ATF7: variants seen among roughly 807,000 people sequenced by gnomAD.
ATF7 encodes activating transcription factor 7.
Under a neutral mutation model 50.4 loss-of-function variants are expected in ATF7, and 10 were observed. The ratio of observed to expected loss-of-function variants is 0.20; its 90% CI spans 0.12 to 0.34. The LOEUF (loss-of-function observed/expected upper bound fraction) is 0.34. Ranked by LOEUF, ATF7 falls within the 10% of genes least tolerant of loss-of-function variation. ATF7 has a pLI of 1.00. For missense variants in ATF7, 465 were observed against 613.9 expected, an observed-to-expected ratio of 0.76 and a Z score of 2.56; for synonymous variants, 201 against 226.4, an observed-to-expected ratio of 0.89 and a Z score of 1.01.
intron 2 of ATF7, 127 bp downstream of exon 2, chr12:53,600,825 CA>C: frequency 3.4e-6 from 3 of 882,880 alleles, no homozygotes; most frequent in Non-Finnish European, 5.3e-6. Flanking sequence ...TTACACACTG[CA>C]AATCCTCTGA....
chr12:53,553,642 T>C (rs1002094750), intron 2 of ATF7, among the ~76,000 whole-genome samples: 3 of 152,202 alleles, frequency 2.0e-5, no homozygotes, highest in Non-Finnish European at 4.4e-5. Context: ...TTGAGGCTCC[T>C]GGCCATATTC....
intron 2 of ATF7, among the ~76,000 whole-genome samples, chr12:53,569,760 C>T (rs1191367983): frequency 6.6e-6 from 1 of 151,864 alleles, no homozygotes; most frequent in African/African-American, 2.4e-5. Context: ...CTGCAACCTA[C>T]CTCCGCCTCC....
intron 2 of ATF7, among the ~76,000 whole-genome samples, chr12:53,586,420 AAAAG>A (rs1421732256): frequency 6.6e-6 from 1 of 152,178 alleles, no homozygotes; most frequent in Admixed American, 6.5e-5. Flanking sequence ...TAAAAAAAAA[AAAAG>A]ATGTTCACTG....
In ATF7 at chr12:53,600,894, T is replaced by C. The variant is rs1002656962; in HGVS notation, c.48+59A>G. Reference sequence around the variant, plus strand: ...GGCTTTAAACTCTTTGCCTTAGTGATAAAACAGCCACTTTGATTCACAACG... The same window carrying C: ...GGCTTTAAACTCTTTGCCTTAGTGACAAAACAGCCACTTTGATTCACAACG... On this transcript the variant is annotated intron_variant, in intron 2 of 11. Transcript: ENST00000420353. 4.5e-6 allele frequency: 7 copies of C among 1,556,690 alleles called. No individual in the cohort carries two copies. The African/African-American group carries it at 9.5e-5, about 21-fold the overall frequency.
chr12:53,526,079 G>A lies in ATF7; in HGVS notation c.928-1318C>T, dbSNP rs138275292. Among the ~76,000 whole-genome samples the A allele has an allele frequency of 1.4e-4, 21 of 151,478 alleles. No individual in the cohort carries two copies. In the East Asian group the frequency reaches 1.9e-3, roughly 14 times the overall value. ...TATAAAGTTAGCCAGGCATGGTGGC[G>A]CATGCCTGTAATCCCAGCTACTTGG... On this transcript the variant is annotated intron_variant, in intron 9 of 11. Transcript: ENST00000420353.
intron 2 of ATF7, among the ~76,000 whole-genome samples, chr12:53,555,079 G>A (rs1248791154): frequency 2.0e-5 from 3 of 152,028 alleles, no homozygotes; most frequent in Middle Eastern, 3.2e-3. Context: ...CCCAGCACTG[G>A]GAGGCTGAGG....
intron 2 of ATF7, among the ~76,000 whole-genome samples, chr12:53,563,391 G>A (rs1242325781): frequency 1.3e-5 from 2 of 151,994 alleles, no homozygotes; most frequent in Admixed American, 1.3e-4. Flanking sequence ...TGAGGCGGGA[G>A]AATTGCTTGA....
chr12:53,618,574 A>G (rs565089418), intron 1 of ATF7, among the ~76,000 whole-genome samples: 39 of 152,308 alleles, frequency 2.6e-4, no homozygotes, highest in African/African-American at 7.2e-4. Flanking sequence ...CTGCCTGCCA[A>G]TGTAAAGTCT....
At chr12:53,544,083 C>G (rs1939732531) in intron 3 of ATF7, 1 of 152,390 alleles carries the variant, frequency 6.6e-6, no homozygotes, top group Non-Finnish European at 1.5e-5. Flanking sequence ...AAACAATAGA[C>G]CTAATTTCAC....
chr12:53,547,833 T>C (rs569086819), intron 3 of ATF7, among the ~76,000 whole-genome samples: 1 of 152,024 alleles, frequency 6.6e-6, no homozygotes, highest in East Asian at 1.9e-4. Flanking sequence ...CACTCTGTTA[T>C]CCAGGCTGGA....
At chr12:53,531,698 A>C in intron 9 of ATF7, 46 bp downstream of exon 9, 1 of 1,549,342 alleles carries the variant, frequency 6.5e-7, no homozygotes, top group Non-Finnish European at 8.7e-7. Context: ...GATATGACAT[A>C]AAGATACGTC....
At chr12:53,564,829 A>G (rs1433133153) in intron 2 of ATF7, among the ~76,000 whole-genome samples, 4 of 152,190 alleles carry the variant, frequency 2.6e-5, no homozygotes, top group Admixed American at 6.5e-5. Context: ...ATGGCTTTCA[A>G]CATGGCCCAA....
At chr12:53,570,840 G>C (rs539850455) in intron 2 of ATF7, among the ~76,000 whole-genome samples, 2 of 151,906 alleles carry the variant, frequency 1.3e-5, no homozygotes, top group East Asian at 3.9e-4. Context: ...CCTTACTTCA[G>C]TATGACCTCA....
At chr12:53,536,423 C>A (rs1939225212) in intron 5 of ATF7, among the ~76,000 whole-genome samples, 2 of 151,860 alleles carry the variant, frequency 1.3e-5, no homozygotes, top group South Asian at 4.2e-4. Flanking sequence ...ATTATAGGCA[C>A]ACACCACCAC....
At chr12:53,546,314 G>C (rs1481207113) in intron 3 of ATF7, among the ~76,000 whole-genome samples, 1 of 152,016 alleles carries the variant, frequency 6.6e-6, no homozygotes, top group Non-Finnish European at 1.5e-5. Flanking sequence ...GGCAGAGGTT[G>C]CAGTGAGCCA....
At chr12:53,549,642 T>C (rs1410835252) in intron 3 of ATF7, among the ~76,000 whole-genome samples, 3 of 152,114 alleles carry the variant, frequency 2.0e-5, no homozygotes, top group African/African-American at 7.2e-5. Flanking sequence ...TGCAGTGGTG[T>C]GATCTCAGCT....
intron 1 of ATF7, among the ~76,000 whole-genome samples, chr12:53,601,354 C>G (rs1328137460): frequency 6.6e-6 from 1 of 152,150 alleles, no homozygotes; most frequent in Non-Finnish European, 1.5e-5. Context: ...TCAATAAATT[C>G]ACTGAACGCT....
downstream of ATF7, among the ~76,000 whole-genome samples, chr12:53,508,423 G>A (rs1260728288): frequency 6.6e-6 from 1 of 151,154 alleles, no homozygotes; most frequent in African/African-American, 2.4e-5. Context: ...AGCTGGGCGT[G>A]GTGGTAGGCA....
intron 5 of ATF7, among the ~76,000 whole-genome samples, chr12:53,535,227 C>T (rs982514033): frequency 4.0e-5 from 6 of 150,552 alleles, no homozygotes; most frequent in African/African-American, 1.5e-4. Context: ...GTCTGTAGGA[C>T]TTTGTTGCTG....
Sources: gnomAD v4.1 joint callset for allele counts (sites outside exome capture counted in the v4.1 genomes callset) on GRCh38, gnomAD v4.1.1 for gene constraint, MANE v1.5 for transcripts, NCBI Gene and HGNC (gene_info 2026-07-23, HGNC 2026-07-21) for gene names.